CSMD1: variants seen among roughly 807,000 people sequenced by gnomAD.
CSMD1 encodes CUB and Sushi multiple domains 1.
CSMD1 carries 213 observed loss-of-function variants against 417.5 expected under a neutral mutation model. The observed-to-expected ratio is 0.51, with a 90% CI of 0.46 to 0.57. The LOEUF (loss-of-function observed/expected upper bound fraction) is 0.57, where lower values mean the gene tolerates loss of function less well. Among genes scored for constraint, CSMD1 ranks in the 20% least tolerant of loss-of-function variants. CSMD1 has a pLI of 0.00. For missense variants in CSMD1, 6,923 were observed against 4,529.7 expected (o/e 1.53, Z -15.17); for synonymous variants, 2,862 against 1,736.8 (o/e 1.65, Z -16.11).
chr8:3,062,748 C>G lies in CSMD1; in HGVS notation c.7475-10101G>C, dbSNP rs192712653. On this transcript the variant is annotated intron_variant, in intron 49 of 69. Coordinates refer to ENST00000635120, the MANE Select transcript of CSMD1 (RefSeq NM_033225.6). ...AAAGAAGGCAGCAGAATAGGGTTGGCAAATAAACAGCTAATTATTACAGTG... is the reference window on the plus strand; with the variant it reads ...AAAGAAGGCAGCAGAATAGGGTTGGGAAATAAACAGCTAATTATTACAGTG... Among the ~76,000 whole-genome samples the G allele has an allele frequency of 2.3e-3, 352 of 152,036 alleles. 1 individual carries two copies. The highest frequency in any genetic ancestry group is 8.1e-3 in the African/African-American group (337 of 41,478).
At chr8:3,677,493 A>T (rs1354192370) in intron 7 of CSMD1, among the ~76,000 whole-genome samples, 2 of 152,196 alleles carry the variant, frequency 1.3e-5, no homozygotes, top group East Asian at 3.9e-4. Context: ...CACAGAAGAC[A>T]TCAGGAGACA....
intron 2 of CSMD1, among the ~76,000 whole-genome samples, chr8:4,524,257 A>T (rs1270912330): frequency 1.3e-5 from 2 of 152,148 alleles, no homozygotes; most frequent in East Asian, 3.8e-4. Context: ...ACACTCAAAA[A>T]AAAAAAATGA....
At chr8:4,354,769 C>T (rs892572288) in intron 3 of CSMD1, among the ~76,000 whole-genome samples, 1 of 151,698 alleles carries the variant, frequency 6.6e-6, no homozygotes, top group African/African-American at 2.4e-5. Context: ...ATAGATTTCC[C>T]CCCTCCCAGA....
intron 5 of CSMD1, among the ~76,000 whole-genome samples, chr8:3,773,092 A>G (rs974188880): frequency 1.3e-5 from 2 of 151,966 alleles, no homozygotes; most frequent in Non-Finnish European, 2.9e-5. Flanking sequence ...CACTAATCAC[A>G]CTCACGAGGG....
chr8:3,741,697 A>G (rs890597756), intron 6 of CSMD1, among the ~76,000 whole-genome samples: 1 of 152,226 alleles, frequency 6.6e-6, no homozygotes, highest in African/African-American at 2.4e-5. Context: ...ACACTACACA[A>G]AATTTCTCCT....
rs5889012 is a variant in CSMD1 at position 4,051,308 on chromosome 8, C to CAAAAAAAAAAAAAAAAAAAAAAAAA, written c.416-19210_416-19209insTTTTTTTTTTTTTTTTTTTTTTTTT. 1.4e-4 allele frequency among the ~76,000 whole-genome samples: 20 copies of CAAAAAAAAAAAAAAAAAAAAAAAAA among 140,530 alleles called. 1 individual carries two copies. Among genetic ancestry groups the CAAAAAAAAAAAAAAAAAAAAAAAAA allele is most frequent in the African/African-American group, 4.9e-4 (18 of 36,498 alleles). 92.2% of individuals were successfully genotyped at this position (140,530 alleles called of 152,430 possible). A position where few individuals can be genotyped will look rare whatever the true frequency, so the allele number is the denominator to read the frequency against. On this transcript the variant is annotated intron_variant, in intron 3 of 69. Coordinates refer to ENST00000635120, the MANE Select transcript of CSMD1 (RefSeq NM_033225.6). ...AAAGCTCATCTAAGTTTTGAAGACT[C>CAAAAAAAAAAAAAAAAAAAAAAAAA]AAAAAAAAAAAAAAGATATGTACAA...
chr8:3,553,638 C>A (rs1210167592), intron 10 of CSMD1, among the ~76,000 whole-genome samples: 2 of 152,110 alleles, frequency 1.3e-5, no homozygotes, highest in Non-Finnish European at 2.9e-5. Context: ...ACAGTAAAAT[C>A]TTGAAAACAA....
chr8:3,029,590 G>A (rs1204839606), intron 50 of CSMD1, 77 bp from the exon 51 acceptor site: 5 of 1,300,902 alleles, frequency 3.8e-6, no homozygotes, highest in African/African-American at 3.0e-5. Context: ...TGGATGGCAA[G>A]GTCTTGCTAT....
At chr8:4,118,885 T>C (rs750594682) in intron 3 of CSMD1, among the ~76,000 whole-genome samples, 8 of 152,186 alleles carry the variant, frequency 5.3e-5, no homozygotes, top group African/African-American at 1.4e-4. Context: ...ATGTGGCACA[T>C]ATACACCATG....
chr8:4,376,401 T>G (rs1256037846), intron 3 of CSMD1, among the ~76,000 whole-genome samples: 1 of 152,190 alleles, frequency 6.6e-6, no homozygotes, highest in Non-Finnish European at 1.5e-5. Context: ...CGTGCTGTGA[T>G]TCTCTTGTGC....
chr8:4,549,889 T>C (rs1797791721), intron 2 of CSMD1, among the ~76,000 whole-genome samples: 1 of 125,420 alleles, frequency 8.0e-6, no homozygotes, highest in South Asian at 2.7e-4. Flanking sequence ...AATCTAAGAC[T>C]TTGTCTCAAA....
chr8:3,570,481 C>T (rs1053504187), intron 10 of CSMD1, among the ~76,000 whole-genome samples: 1 of 152,196 alleles, frequency 6.6e-6, no homozygotes, highest in Non-Finnish European at 1.5e-5. Flanking sequence ...TTTCATTAAA[C>T]ATGACCAAAT....
chr8:3,879,253 A>G (rs1806046979), intron 5 of CSMD1, among the ~76,000 whole-genome samples: 1 of 152,194 alleles, frequency 6.6e-6, no homozygotes, highest in Non-Finnish European at 1.5e-5. Context: ...ATAGGATTGT[A>G]TATTACATAC....
At chr8:4,330,969 C>G (rs1799837890) in intron 3 of CSMD1, among the ~76,000 whole-genome samples, 1 of 152,094 alleles carries the variant, frequency 6.6e-6, no homozygotes, top group Admixed American at 6.6e-5. Flanking sequence ...TGCAAGACCC[C>G]CCGACATATA....
At chr8:4,837,809 T>A (rs1195826588) in intron 1 of CSMD1, among the ~76,000 whole-genome samples, 1 of 152,042 alleles carries the variant, frequency 6.6e-6, no homozygotes, top group Non-Finnish European at 1.5e-5. Context: ...GATATATCGT[T>A]CCCCATGATG....
chr8:4,036,256 T>A (rs528758432), intron 3 of CSMD1, among the ~76,000 whole-genome samples: 3 of 152,208 alleles, frequency 2.0e-5, no homozygotes, highest in Non-Finnish European at 2.9e-5. Context: ...CATGCATGAC[T>A]GCATGTAACA....
chr8:4,937,758 G>C (rs1015332578), intron 1 of CSMD1, among the ~76,000 whole-genome samples: 1 of 151,392 alleles, frequency 6.6e-6, no homozygotes, highest in Admixed American at 6.6e-5. Flanking sequence ...CTGATCTAGA[G>C]AGAAGTTTCT....
intron 5 of CSMD1, among the ~76,000 whole-genome samples, chr8:3,937,319 C>T (rs1333034247): frequency 1.3e-5 from 2 of 152,116 alleles, no homozygotes; most frequent in Non-Finnish European, 2.9e-5. Context: ...GCTTCTTAAC[C>T]AGCAACACAT....
At position 3,724,281 on chromosome 8, in the gene CSMD1, C is replaced by G. The variant is rs201852645; in HGVS notation, c.932-15790G>C. On this transcript the variant is annotated intron_variant, in intron 6 of 69. Coordinates refer to ENST00000635120, the MANE Select transcript of CSMD1 (RefSeq NM_033225.6). Reference sequence around the variant, plus strand: ...GTTACATATGTATACATGTGCCATGCTGGTGTGCCGCACCCACTAACTCGT... The same window carrying G: ...GTTACATATGTATACATGTGCCATGGTGGTGTGCCGCACCCACTAACTCGT... 7.6e-4 allele frequency among the ~76,000 whole-genome samples: 116 copies of G among 151,994 alleles called. No individual in the cohort carries two copies. In the East Asian group the frequency reaches 0.015, roughly 20 times the overall value.
Sources: gnomAD v4.1 joint callset for allele counts (sites outside exome capture counted in the v4.1 genomes callset) on GRCh38, gnomAD v4.1.1 for gene constraint, MANE v1.5 for transcripts, NCBI Gene and HGNC (gene_info 2026-07-23, HGNC 2026-07-21) for gene names.